Variants in WDR72 observed in about 807,000 individuals in gnomAD.
WDR72 encodes the protein WD repeat-containing protein 72.
In WDR72, 120 loss-of-function variants were observed where a neutral mutation model predicts 124.2. That is an observed-to-expected ratio of 0.97 (90% confidence interval 0.83 to 1.12). The LOEUF is 1.12. Ranked by LOEUF, WDR72 falls within the 50% of genes most tolerant of loss-of-function variation. WDR72 has a pLI of 0.00. For synonymous variants in WDR72, 452 were observed against 441.7 expected (o/e 1.02, Z -0.29); for missense variants, 1,387 against 1,278.8 (o/e 1.08, Z -1.29).
At chr15:53,743,394 G>C (rs2018560130) in intron 1 of WDR72, among the ~76,000 whole-genome samples, 1 of 151,748 alleles carries the variant, frequency 6.6e-6, no homozygotes, top group South Asian at 2.1e-4. Context: ...TTGAAATTTA[G>C]GTATATATCA....
chr15:53,749,344 G>A (rs2018719501), intron 1 of WDR72, among the ~76,000 whole-genome samples: 1 of 152,022 alleles, frequency 6.6e-6, no homozygotes, highest in Non-Finnish European at 1.5e-5. Context: ...GGTGGTCTGT[G>A]ATCGTAAATA....
intron 17 of WDR72, among the ~76,000 whole-genome samples, chr15:53,607,248 T>C (rs2013325844): frequency 6.6e-6 from 1 of 151,592 alleles, no homozygotes; most frequent in African/African-American, 2.4e-5. Flanking sequence ...TGAGGTACTC[T>C]CAGAATTAAA....
chr15:53,730,560 G>A (rs1177903589), intron 2 of WDR72, among the ~76,000 whole-genome samples: 4 of 152,098 alleles, frequency 2.6e-5, no homozygotes, highest in African/African-American at 9.7e-5. Context: ...TTTTGGAGGG[G>A]GAAAGAACTT....
chr15:53,759,944 G>A (rs1017599324), upstream of WDR72, among the ~76,000 whole-genome samples: 7 of 151,950 alleles, frequency 4.6e-5, 1 homozygote, highest in South Asian at 1.5e-3. Context: ...ATTAGTTAGG[G>A]GGGGTTAGAT....
rs756619654 is a variant in WDR72, at chr15:53,546,682, CAAAG to C, written c.3149-23364_3149-23361del. 1.8e-4 allele frequency among the ~76,000 whole-genome samples: 28 copies of C among 151,784 alleles called. No individual in the cohort carries two copies. In the East Asian group the frequency reaches 4.1e-3, roughly 22 times the overall value. On this transcript the variant is annotated intron_variant, in intron 18 of 19. Coordinates refer to ENST00000360509, the MANE Select transcript of WDR72 (RefSeq NM_182758.4). ...AGTATAATAATAATAAAAAAAAGAA[CAAAG>C]AAAGAAATGCAAAAGATACTTTTAA...
chr15:53,528,073 CAGAG>C (rs1457376406), intron 18 of WDR72, among the ~76,000 whole-genome samples: 1 of 152,020 alleles, frequency 6.6e-6, no homozygotes, highest in Non-Finnish European at 1.5e-5. Flanking sequence ...TATTTTAAAT[CAGAG>C]GGAGGCATAA....
intron 18 of WDR72, among the ~76,000 whole-genome samples, chr15:53,596,035 A>G (rs1463176811): frequency 6.6e-6 from 1 of 152,094 alleles, no homozygotes; most frequent in East Asian, 1.9e-4. Context: ...TAATCTCATA[A>G]AAACAATGAG....
intron 18 of WDR72, among the ~76,000 whole-genome samples, chr15:53,545,705 C>G (rs1242574409): frequency 7.5e-6 from 1 of 133,716 alleles, no homozygotes; most frequent in Non-Finnish European, 1.6e-5. Context: ...GCAAAAGAAA[C>G]TACCATCAGA....
rs12440842 is a variant in WDR72 at position 53,532,032 on chromosome 15, C to G, written c.3149-8710G>C. Among the ~76,000 whole-genome samples, 11 of 152,006 alleles carry G rather than the reference C, an allele frequency of 7.2e-5. No homozygotes were observed. In the East Asian group the frequency reaches 2.1e-3, roughly 29 times the overall value. On this transcript the variant is annotated intron_variant, in intron 18 of 19. Coordinates refer to ENST00000360509, the MANE Select transcript of WDR72 (RefSeq NM_182758.4). ...GTTTGGGAAACATTTAGAGGAAACACAACCCAAAGTATATGTAATACACTA... is the reference window on the plus strand; with the variant it reads ...GTTTGGGAAACATTTAGAGGAAACAGAACCCAAAGTATATGTAATACACTA...
intron 15 of WDR72, 43 bp from the exon 16 acceptor site, chr15:53,613,800 A>G: frequency 7.3e-7 from 1 of 1,366,964 alleles, no homozygotes. Flanking sequence ...AAAAGCATGA[A>G]AAATTATTTG....
intron 2 of WDR72, among the ~76,000 whole-genome samples, chr15:53,731,135 C>T (rs990285214): frequency 3.3e-5 from 5 of 152,082 alleles, no homozygotes; most frequent in African/African-American, 1.2e-4. Context: ...AAAGCTGATC[C>T]CATCCCCAAC....
At chr15:53,711,538 A>G in intron 7 of WDR72, 57 bp from the exon 8 acceptor site, 2 of 1,552,198 alleles carry the variant, frequency 1.3e-6, no homozygotes, top group Non-Finnish European at 8.9e-7. Context: ...TGCCAATAAG[A>G]TGAATATAAA....
intron 17 of WDR72, among the ~76,000 whole-genome samples, chr15:53,599,899 T>C (rs1019898486): frequency 6.6e-6 from 1 of 152,140 alleles, no homozygotes; most frequent in African/African-American, 2.4e-5. Flanking sequence ...CAAATGCATA[T>C]TATAAGAATA....
intron 18 of WDR72, among the ~76,000 whole-genome samples, chr15:53,557,483 G>T (rs757874538): frequency 1.2e-4 from 19 of 152,044 alleles, no homozygotes; most frequent in Non-Finnish European, 2.4e-4. Flanking sequence ...TAGAGTGATT[G>T]CTTGGAAGGC....
chr15:53,676,454 A>G (rs1327348474), intron 13 of WDR72, among the ~76,000 whole-genome samples: 1 of 152,232 alleles, frequency 6.6e-6, no homozygotes, highest in Non-Finnish European at 1.5e-5. Flanking sequence ...GGAAGTCGAG[A>G]TTTAAAACAT....
chr15:53,643,095 A>T (rs2014912794), intron 14 of WDR72, among the ~76,000 whole-genome samples: 1 of 152,116 alleles, frequency 6.6e-6, no homozygotes, highest in Non-Finnish European at 1.5e-5. Context: ...CCAGTTAGGA[A>T]AAAAAGCGAA....
intron 14 of WDR72, among the ~76,000 whole-genome samples, chr15:53,662,534 C>CA (rs1345199705): frequency 3.3e-5 from 5 of 152,222 alleles, no homozygotes; most frequent in African/African-American, 1.2e-4. Context: ...AATCCACACA[C>CA]AAAAAAATCC....
Position 53,580,970 on chromosome 15 carries a change from T to A in WDR72, c.3148+16109A>T, listed in dbSNP as rs147660037. ...AAAAGATAGTTATAATTATTTGTTT[T>A]AAGCAATTGTTTAGCTACTGTTAAA... On this transcript the variant is annotated intron_variant, in intron 18 of 19. Coordinates refer to ENST00000360509, the MANE Select transcript of WDR72 (RefSeq NM_182758.4). Among the ~76,000 whole-genome samples the A allele has an allele frequency of 6.1e-3, 907 of 149,222 alleles. 7 individuals are homozygous for A. The highest frequency in any genetic ancestry group is 0.02 in the African/African-American group (831 of 40,600).
At position 53,711,366 on chromosome 15, in the gene WDR72, C is replaced by A; in HGVS notation, c.827G>T (p.Gly276Val). ...CAGCAGCTGATAGATGTAACTGTGA[C>A]CATCTTCTGTCCAGATGAGGATTCT... ...AHRILIWTED[G>V]HSYIYQLLNS... The change falls in exon 8 of 20, where the codon GGT becomes GTT. Residue 276 changes from glycine to valine, a missense_variant. Transcript: ENST00000360509. The A allele has an allele frequency of 6.2e-7, 1 of 1,614,150 alleles. No homozygotes were observed. The highest frequency in any genetic ancestry group is 8.5e-7 in the Non-Finnish European group (1 of 1,180,032).
Sources: gnomAD v4.1 joint callset for allele counts (sites outside exome capture counted in the v4.1 genomes callset) on GRCh38, gnomAD v4.1.1 for gene constraint, MANE v1.5 for transcripts, NCBI Gene and HGNC (gene_info 2026-07-23, HGNC 2026-07-21) for gene names.